KCNMA1: variants seen among roughly 807,000 people sequenced by gnomAD.
KCNMA1 encodes potassium calcium-activated channel subfamily M alpha 1, also known as Calcium-activated potassium channel subunit alpha-1.
Under a neutral mutation model 140.0 loss-of-function variants are expected in KCNMA1, and 29 were observed. The observed-to-expected ratio is 0.21, with a 90% confidence interval of 0.15 to 0.28. KCNMA1 has a LOEUF of 0.28. Among genes scored for constraint, KCNMA1 ranks in the 10% least tolerant of loss-of-function variants. KCNMA1 has a pLI of 1.00. For missense variants in KCNMA1, 880 were observed against 1,602.2 expected (o/e 0.55, Z 7.70); for synonymous variants, 612 against 611.9 (o/e 1.00, Z 0.00).
At chr10:77,078,306 C>T (rs925512613) in intron 13 of KCNMA1, among the ~76,000 whole-genome samples, 1 of 152,150 alleles carries the variant, frequency 6.6e-6, no homozygotes, top group East Asian at 1.9e-4. Flanking sequence ...GGTACTGCAT[C>T]AAATGGAGAA....
intron 2 of KCNMA1, among the ~76,000 whole-genome samples, chr10:77,328,397 C>A (rs2085026307): frequency 2.0e-5 from 3 of 152,184 alleles, no homozygotes; most frequent in African/African-American, 7.2e-5. Context: ...ACCAGTTACC[C>A]ATCCGCAGAT....
At chr10:77,297,696 T>G (rs1229262096) in intron 2 of KCNMA1, among the ~76,000 whole-genome samples, 2 of 152,200 alleles carry the variant, frequency 1.3e-5, no homozygotes, top group Non-Finnish European at 2.9e-5. Flanking sequence ...GGAGACGACC[T>G]CTACCTATGA....
At chr10:77,022,279 T>G (rs995799589) in intron 16 of KCNMA1, among the ~76,000 whole-genome samples, 4 of 152,182 alleles carry the variant, frequency 2.6e-5, no homozygotes, top group African/African-American at 9.7e-5. Flanking sequence ...AACTTCAACA[T>G]GTGTCATGTG....
chr10:77,261,756 G>T (rs1430936057), intron 2 of KCNMA1, among the ~76,000 whole-genome samples: 2 of 152,152 alleles, frequency 1.3e-5, no homozygotes, highest in Non-Finnish European at 2.9e-5. Flanking sequence ...CCGATGCACT[G>T]GCAAGCATGA....
chr10:77,094,552 A>G (rs1389656771), intron 9 of KCNMA1, among the ~76,000 whole-genome samples: 1 of 152,208 alleles, frequency 6.6e-6, no homozygotes, highest in Non-Finnish European at 1.5e-5. Flanking sequence ...GATAGGCAGT[A>G]TCATGATAGT....
intron 1 of KCNMA1, among the ~76,000 whole-genome samples, chr10:77,575,439 G>A (rs1439134868): frequency 4.6e-5 from 7 of 152,054 alleles, no homozygotes; most frequent in African/African-American, 1.4e-4. Flanking sequence ...AGGCCATGGC[G>A]GGCATCCAAT....
At chr10:77,398,172 A>T (rs2096131728) in intron 2 of KCNMA1, among the ~76,000 whole-genome samples, 1 of 151,584 alleles carries the variant, frequency 6.6e-6, no homozygotes, top group Non-Finnish European at 1.5e-5. Context: ...TAAACATAGG[A>T]GTTCAGGTAT....
At chr10:77,606,413 C>T (rs2084535005) in intron 1 of KCNMA1, among the ~76,000 whole-genome samples, 1 of 152,166 alleles carries the variant, frequency 6.6e-6, no homozygotes. Context: ...GGGACGATCG[C>T]TTGAGGCTGG....
At chr10:77,410,688 G>A (rs1315891026) in intron 1 of KCNMA1, among the ~76,000 whole-genome samples, 1 of 152,198 alleles carries the variant, frequency 6.6e-6, no homozygotes, top group South Asian at 2.1e-4. Context: ...GTCATCCTGC[G>A]AGTCTGCCGC....
chr10:77,331,258 A>G (rs2086300916), intron 2 of KCNMA1, among the ~76,000 whole-genome samples: 1 of 152,214 alleles, frequency 6.6e-6, no homozygotes, highest in Non-Finnish European at 1.5e-5. Context: ...GAGCATGAGG[A>G]ATACAGTATC....
intron 5 of KCNMA1, among the ~76,000 whole-genome samples, chr10:77,155,128 T>C (rs537323382): frequency 5.0e-4 from 76 of 152,254 alleles, no homozygotes; most frequent in African/African-American, 1.7e-3. Flanking sequence ...TAAGGAGGTC[T>C]TGGTTTCCAT....
downstream of KCNMA1, among the ~76,000 whole-genome samples, chr10:76,884,702 A>G (rs74668161): frequency 6.6e-6 from 1 of 151,904 alleles, no homozygotes; most frequent in African/African-American, 2.4e-5. Context: ...TAAGGAATCT[A>G]GCGATAGCAG....
At chr10:77,393,335 T>A (rs1211646732) in intron 2 of KCNMA1, among the ~76,000 whole-genome samples, 1 of 152,170 alleles carries the variant, frequency 6.6e-6, no homozygotes, top group Non-Finnish European at 1.5e-5. Context: ...CCCGTCTGTC[T>A]CCATACCAGC....
At chr10:77,476,620 G>GC (rs922950562) in intron 1 of KCNMA1, among the ~76,000 whole-genome samples, 2 of 152,186 alleles carry the variant, frequency 1.3e-5, no homozygotes, top group African/African-American at 4.8e-5. Flanking sequence ...TTAATGACTA[G>GC]CCTTTTTATG....
intron 1 of KCNMA1, among the ~76,000 whole-genome samples, chr10:77,475,580 G>C (rs2098261208): frequency 6.6e-6 from 1 of 152,158 alleles, no homozygotes; most frequent in South Asian, 2.1e-4. Context: ...ACCAAGGCAA[G>C]GGGAGATTAA....
chr10:76,878,969 G>A (rs185659151), intron 29 of KCNMA1, among the ~76,000 whole-genome samples: 164 of 152,266 alleles, frequency 1.1e-3, no homozygotes, highest in African/African-American at 3.7e-3. Context: ...TATCAAGCAC[G>A]TCCACTGCTA....
At chr10:77,482,170 G>A (rs2098405560) in intron 1 of KCNMA1, among the ~76,000 whole-genome samples, 1 of 152,208 alleles carries the variant, frequency 6.6e-6, no homozygotes, top group Non-Finnish European at 1.5e-5. Flanking sequence ...TCAGAGATTG[G>A]AGTGAAGTGC....
chr10:77,512,526 G>A (rs1403717479), intron 1 of KCNMA1, among the ~76,000 whole-genome samples: 2 of 152,044 alleles, frequency 1.3e-5, no homozygotes, highest in African/African-American at 2.4e-5. Flanking sequence ...TACAGGTATC[G>A]GTACTATCCA....
intron 1 of KCNMA1, 82 bp downstream of exon 1, chr10:77,637,183 G>T (rs1186729630): frequency 1.5e-6 from 2 of 1,351,162 alleles, no homozygotes; most frequent in East Asian, 2.5e-5. Context: ...ACGGCGCGGC[G>T]CGGAGCGAGG....
Sources: allele counts gnomAD v4.1 joint callset (sites outside exome capture counted in the v4.1 genomes callset), GRCh38; gene constraint gnomAD v4.1.1; transcripts MANE v1.5; gene names NCBI Gene and HGNC (gene_info 2026-07-23, HGNC 2026-07-21).